C8A: variants seen among roughly 807,000 people sequenced by gnomAD.
The protein encoded by C8A is complement component C8 alpha chain.
A neutral mutation model predicts 65.3 loss-of-function variants in C8A; 67 were observed. That is an observed-to-expected ratio of 1.03 (90% confidence interval 0.84 to 1.26). C8A has a LOEUF of 1.26. Among genes scored for constraint, C8A ranks in the 50% most tolerant of loss-of-function variants. The probability of loss-of-function intolerance (pLI) is 0.00; values close to 1 mark genes in which losing one functional copy is unlikely to be tolerated. For synonymous variants in C8A, 290 were observed against 259.4 expected (o/e 1.12, Z -1.13); for missense variants, 781 against 723.9 (o/e 1.08, Z -0.90).
At chr1:56,916,330 C>T (rs184381105) in intron 10 of C8A, among the ~76,000 whole-genome samples, 52 of 152,286 alleles carry the variant, frequency 3.4e-4, no homozygotes, top group African/African-American at 1.2e-3. Context: ...TTGGGGCTGT[C>T]ATACTGAACT....
intron 4 of C8A, among the ~76,000 whole-genome samples, chr1:56,877,768 C>A (rs1027448301): frequency 3.3e-5 from 5 of 152,036 alleles, no homozygotes; most frequent in African/African-American, 1.2e-4. Flanking sequence ...CAGAGTGACC[C>A]AGCCCTGTTG....
intron 4 of C8A, among the ~76,000 whole-genome samples, chr1:56,878,365 A>C: frequency 6.6e-6 from 1 of 152,208 alleles, no homozygotes; most frequent in East Asian, 1.9e-4. Flanking sequence ...TGATTTCAAA[A>C]GTGACTATAG....
At chr1:56,861,171 G>T (rs1644030013) in intron 1 of C8A, among the ~76,000 whole-genome samples, 1 of 152,148 alleles carries the variant, frequency 6.6e-6, no homozygotes, top group Non-Finnish European at 1.5e-5. Flanking sequence ...GCCAGGTACT[G>T]TTCTGGGCCC....
intron 2 of C8A, among the ~76,000 whole-genome samples, chr1:56,868,229 A>C (rs1248017857): frequency 6.6e-6 from 1 of 151,854 alleles, no homozygotes; most frequent in Non-Finnish European, 1.5e-5. Flanking sequence ...ATATGAAGGG[A>C]AGAGGGATGT....
chr1:56,866,612 A>G (rs941220904), intron 1 of C8A, among the ~76,000 whole-genome samples: 1 of 152,254 alleles, frequency 6.6e-6, no homozygotes, highest in Non-Finnish European at 1.5e-5. Flanking sequence ...TAATCATGCC[A>G]TTCATCACAG....
intron 7 of C8A, among the ~76,000 whole-genome samples, chr1:56,896,302 C>T (rs554460321): frequency 5.9e-5 from 9 of 152,188 alleles, no homozygotes; most frequent in East Asian, 1.9e-4. Flanking sequence ...GATCTGCAGT[C>T]GGCAAGCTGG....
intron 2 of C8A, among the ~76,000 whole-genome samples, chr1:56,869,760 T>A (rs1177433954): frequency 2.6e-5 from 4 of 152,228 alleles, no homozygotes; most frequent in African/African-American, 4.8e-5. Context: ...GAATGCCAGC[T>A]GTTTTTTAAT....
chr1:56,874,137 A>G (rs953491963), intron 2 of C8A, among the ~76,000 whole-genome samples: 6 of 152,212 alleles, frequency 3.9e-5, no homozygotes, highest in Non-Finnish European at 5.9e-5. Context: ...CTTGATGTCC[A>G]CAGTTTCCAA....
intron 9 of C8A, among the ~76,000 whole-genome samples, chr1:56,910,673 G>T (rs1741987): frequency 0.1 from 15,566 of 152,196 alleles, 1,230 homozygotes; most frequent in African/African-American, 0.22. Context: ...TTCTCCCCTT[G>T]GCTGGGGACC....
At chr1:56,897,998 C>T (rs970973267) in intron 7 of C8A, among the ~76,000 whole-genome samples, 1 of 152,086 alleles carries the variant, frequency 6.6e-6, no homozygotes, top group East Asian at 1.9e-4. Flanking sequence ...ACTTTTTCTG[C>T]CCCTCCCACT....
intron 2 of C8A, among the ~76,000 whole-genome samples, chr1:56,873,966 G>A (rs572491109): frequency 6.6e-6 from 1 of 152,238 alleles, no homozygotes; most frequent in East Asian, 1.9e-4. Context: ...AAACTCTAAA[G>A]TCCCAAGATT....
At chr1:56,885,839 T>C (rs1644295209) in intron 6 of C8A, 88 bp from the exon 7 acceptor site, 2 of 1,583,776 alleles carry the variant, frequency 1.3e-6, no homozygotes, top group African/African-American at 1.3e-5. Flanking sequence ...CATGAGCCAC[T>C]GCACCCAGAG....
intron 9 of C8A, 63 bp from the exon 10 acceptor site, chr1:56,912,340 C>A: frequency 6.6e-7 from 1 of 1,524,794 alleles, no homozygotes; most frequent in Non-Finnish European, 9.1e-7. Flanking sequence ...GTGGCCGGTT[C>A]TTGGGCTCTG....
chr1:56,856,809 T>C (rs1643981353), intron 1 of C8A, among the ~76,000 whole-genome samples: 1 of 152,020 alleles, frequency 6.6e-6, no homozygotes, highest in Admixed American at 6.6e-5. Flanking sequence ...TATACAAATT[T>C]ATTTTATAAG....
intron 5 of C8A, 53 bp from the exon 6 acceptor site, chr1:56,883,428 T>C (rs1644263226): frequency 1.4e-6 from 2 of 1,456,884 alleles, no homozygotes; most frequent in African/African-American, 2.8e-5. Flanking sequence ...TAAATATGAA[T>C]TGAGAAATGG....
rs544136144 is a variant in C8A at position 56,865,155 on chromosome 1, T to C, written c.78-2454T>C. Among the ~76,000 whole-genome samples the C allele has an allele frequency of 1.4e-4, 21 of 152,338 alleles. No individual in the cohort carries two copies. In the South Asian group the frequency reaches 3.1e-3, roughly 23 times the overall value. ...ATGGGAAGAACGCATAAAGAAATCATTGAGTATACACTGAGTATGATGGTT... is the reference window on the plus strand; with the variant it reads ...ATGGGAAGAACGCATAAAGAAATCACTGAGTATACACTGAGTATGATGGTT... On this transcript the variant is annotated intron_variant, in intron 1 of 10. Transcript: ENST00000361249.
chr1:56,895,248 C>T (rs1027270843), intron 7 of C8A, among the ~76,000 whole-genome samples: 7 of 152,110 alleles, frequency 4.6e-5, no homozygotes, highest in Admixed American at 2.0e-4. Flanking sequence ...GGTGGTAAGT[C>T]AGCCAAGATT....
intron 2 of C8A, among the ~76,000 whole-genome samples, chr1:56,869,303 A>G (rs1209134351): frequency 6.6e-6 from 1 of 152,228 alleles, no homozygotes; most frequent in Non-Finnish European, 1.5e-5. Context: ...CTTCACTTAC[A>G]ATAATGGCCT....
At chr1:56,914,566 G>T (rs1323497819) in intron 10 of C8A, among the ~76,000 whole-genome samples, 1 of 152,192 alleles carries the variant, frequency 6.6e-6, no homozygotes, top group Non-Finnish European at 1.5e-5. Context: ...CTGGTTTTAA[G>T]ATCAGATGAT....
Sources: allele counts gnomAD v4.1 joint callset (sites outside exome capture counted in the v4.1 genomes callset), GRCh38; gene constraint gnomAD v4.1.1; transcripts MANE v1.5; gene names NCBI Gene and HGNC (gene_info 2026-07-23, HGNC 2026-07-21).